NUMB: variants seen among roughly 807,000 people sequenced by gnomAD.
The protein encoded by NUMB is protein numb homolog.
NUMB carries 29 observed loss-of-function variants against 59.7 expected under a neutral mutation model. The observed-to-expected ratio is 0.49, with a 90% CI of 0.36 to 0.66. The LOEUF (loss-of-function observed/expected upper bound fraction) is 0.66, where lower values mean the gene tolerates loss of function less well. Ranked by LOEUF, NUMB falls within the 30% of genes least tolerant of loss-of-function variation. The pLI, the probability that NUMB is intolerant of heterozygous loss-of-function variation, is 0.00. For missense variants in NUMB, 723 were observed against 822.0 expected (o/e 0.88, Z 1.47); for synonymous variants, 288 against 288.2 (o/e 1.00, Z 0.01).
At chr14:73,389,395 C>G (rs752353447) in intron 2 of NUMB, among the ~76,000 whole-genome samples, 4 of 151,538 alleles carry the variant, frequency 2.6e-5, no homozygotes, top group Non-Finnish European at 4.4e-5. Flanking sequence ...TGCAGTGGCA[C>G]CACTGCAATC....
chr14:73,374,698 T>C (rs1291103522), intron 2 of NUMB, among the ~76,000 whole-genome samples: 2 of 151,586 alleles, frequency 1.3e-5, no homozygotes, highest in Non-Finnish European at 2.9e-5. Flanking sequence ...AACTTTTTTT[T>C]AGCCCTTTAA....
chr14:73,292,964 C>T, intron 7 of NUMB, 90 bp from the exon 8 acceptor site: 2 of 1,278,408 alleles, frequency 1.6e-6, no homozygotes, highest in Non-Finnish European at 1.1e-6. Context: ...GATGCACAAT[C>T]CATACATCTG....
At chr14:73,431,477 T>G (rs1055672492) in intron 1 of NUMB, among the ~76,000 whole-genome samples, 2 of 150,574 alleles carry the variant, frequency 1.3e-5, no homozygotes, top group African/African-American at 4.9e-5. Context: ...GTTGGCATGG[T>G]GGCTCATGCC....
intron 8 of NUMB, among the ~76,000 whole-genome samples, chr14:73,289,413 T>G (rs899317992): frequency 6.6e-6 from 1 of 152,198 alleles, no homozygotes. Flanking sequence ...TTTTGCTAAT[T>G]GTGGAATAAA....
chr14:73,393,076 A>G (rs1412598452), intron 2 of NUMB, among the ~76,000 whole-genome samples: 1 of 152,230 alleles, frequency 6.6e-6, no homozygotes, highest in African/African-American at 2.4e-5. Flanking sequence ...TGTGAAGAAC[A>G]CTTACTCATA....
chr14:73,282,272 C>A (rs759232485), intron 11 of NUMB, 87 bp downstream of exon 11: 3 of 1,386,668 alleles, frequency 2.2e-6, no homozygotes, highest in Non-Finnish European at 3.0e-6. Context: ...CCTTGGGAAG[C>A]TCAGGATGCC....
intron 12 of NUMB, among the ~76,000 whole-genome samples, chr14:73,278,010 A>G (rs929700314): frequency 2.9e-5 from 4 of 136,442 alleles, no homozygotes; most frequent in African/African-American, 1.1e-4. Context: ...GTGAACCAAG[A>G]TACTCCAGCC....
chr14:73,436,811 T>G (rs1406994456), intron 1 of NUMB, among the ~76,000 whole-genome samples: 1 of 151,274 alleles, frequency 6.6e-6, no homozygotes, highest in Non-Finnish European at 1.5e-5. Context: ...AAACCCTGTC[T>G]CTACTAAAAA....
At chr14:73,346,269 C>T (rs1343234621) in intron 4 of NUMB, among the ~76,000 whole-genome samples, 2 of 151,996 alleles carry the variant, frequency 1.3e-5, no homozygotes, top group African/African-American at 2.4e-5. Context: ...CACCTGAGGT[C>T]GGGAGTTCGA....
intron 6 of NUMB, among the ~76,000 whole-genome samples, chr14:73,315,801 C>T (rs1356425146): frequency 2.6e-5 from 4 of 152,142 alleles, no homozygotes; most frequent in Non-Finnish European, 5.9e-5. Flanking sequence ...TTAATATAAA[C>T]AGGGTTTACA....
At chr14:73,315,990 G>A (rs1303781044) in intron 6 of NUMB, among the ~76,000 whole-genome samples, 1 of 151,984 alleles carries the variant, frequency 6.6e-6, no homozygotes, top group Middle Eastern at 3.2e-3. Context: ...GGGTTCAATC[G>A]ATTCTCCTGC....
intron 6 of NUMB, among the ~76,000 whole-genome samples, chr14:73,313,551 A>C (rs945184265): frequency 6.7e-6 from 1 of 150,326 alleles, no homozygotes; most frequent in Non-Finnish European, 1.5e-5. Context: ...GTATTGTATA[A>C]AATTATCTTC....
At chr14:73,298,258 G>A in intron 6 of NUMB, 1 of 152,342 alleles carries the variant, frequency 6.6e-6, no homozygotes, top group East Asian at 1.9e-4. Flanking sequence ...TCACAGGTAT[G>A]ATCATAAAGC....
At chr14:73,396,050 A>G (rs1224272079) in intron 2 of NUMB, among the ~76,000 whole-genome samples, 1 of 152,084 alleles carries the variant, frequency 6.6e-6, no homozygotes, top group Non-Finnish European at 1.5e-5. Context: ...TTTATTTTTT[A>G]GAGACAGGCA....
intron 6 of NUMB, among the ~76,000 whole-genome samples, chr14:73,299,701 A>G (rs1890021158): frequency 6.6e-6 from 1 of 152,114 alleles, no homozygotes. Context: ...GAATGGGTCG[A>G]GAAGTAAATG....
chr14:73,392,419 T>C (rs903152491), intron 2 of NUMB, among the ~76,000 whole-genome samples: 5 of 152,218 alleles, frequency 3.3e-5, no homozygotes, highest in African/African-American at 9.7e-5. Flanking sequence ...CTCTCCATGA[T>C]AACATTTGAA....
chr14:73,303,956 AATT>A (rs1345624853), intron 6 of NUMB, among the ~76,000 whole-genome samples: 3 of 152,350 alleles, frequency 2.0e-5, no homozygotes, highest in Middle Eastern at 3.4e-3. Flanking sequence ...AGTATTTTAA[AATT>A]ATTATCTTCC....
intron 1 of NUMB, among the ~76,000 whole-genome samples, chr14:73,431,716 T>C (rs1250167709): frequency 1.3e-5 from 2 of 151,832 alleles, no homozygotes; most frequent in Non-Finnish European, 2.9e-5. Flanking sequence ...GCCACTGCAC[T>C]CCAGCCTGAG....
At chr14:73,445,807 T>C (rs968941116) in intron 1 of NUMB, among the ~76,000 whole-genome samples, 8 of 152,132 alleles carry the variant, frequency 5.3e-5, no homozygotes, top group Non-Finnish European at 8.8e-5. Flanking sequence ...ATTCAGGCAA[T>C]TGGAGTTCAT....
Sources: gnomAD v4.1 joint callset for allele counts (sites outside exome capture counted in the v4.1 genomes callset) on GRCh38, gnomAD v4.1.1 for gene constraint, MANE v1.5 for transcripts, NCBI Gene and HGNC (gene_info 2026-07-23, HGNC 2026-07-21) for gene names.